The following KHDRBS2 variants were observed in gnomAD, a reference collection of about 807,000 sequenced individuals.
KHDRBS2 encodes KH RNA binding domain containing, signal transduction associated 2, also known as KH domain-containing, RNA-binding, signal transduction-associated protein 2.
Under a neutral mutation model 44.3 loss-of-function variants are expected in KHDRBS2, and 26 were observed. The observed-to-expected ratio is 0.59, with a 90% CI of 0.43 to 0.81. The LOEUF is 0.81. KHDRBS2 is among the 40% of genes least tolerant of loss of function. The pLI, the probability that KHDRBS2 is intolerant of heterozygous loss-of-function variation, is 0.00. For missense variants in KHDRBS2, 476 were observed against 433.1 expected (o/e 1.10, Z -0.88); for synonymous variants, 194 against 151.1 (o/e 1.28, Z -2.08).
intron 2 of KHDRBS2, among the ~76,000 whole-genome samples, chr6:62,061,311 C>A (rs1584434911): frequency 1.3e-5 from 2 of 151,558 alleles, no homozygotes; most frequent in East Asian, 2.0e-4. Flanking sequence ...GCGGCTGGTA[C>A]CGGTTGTTCC....
At chr6:61,687,548 T>C (rs1766953069) in intron 8 of KHDRBS2, among the ~76,000 whole-genome samples, 1 of 151,902 alleles carries the variant, frequency 6.6e-6, no homozygotes, top group Non-Finnish European at 1.5e-5. Context: ...TCCCAGAGTC[T>C]TACAGATGTT....
chr6:61,578,932 C>A, the KHDRBS2 span, among the ~76,000 whole-genome samples: 19 of 152,080 alleles, frequency 1.2e-4, no homozygotes, highest in African/African-American at 4.6e-4. Context: ...TGGTAATTTC[C>A]TCTCTTGGCC....
chr6:61,678,433 T>C (rs1766065166), downstream of KHDRBS2, among the ~76,000 whole-genome samples: 1 of 151,936 alleles, frequency 6.6e-6, no homozygotes, highest in Non-Finnish European at 1.5e-5. Flanking sequence ...GGGAAAATAA[T>C]GGTAATGTTT....
At chr6:62,208,837 G>A (rs1458488165) in intron 1 of KHDRBS2, among the ~76,000 whole-genome samples, 2 of 152,142 alleles carry the variant, frequency 1.3e-5, no homozygotes, top group Non-Finnish European at 2.9e-5. Flanking sequence ...GATTAGTGAC[G>A]TTGAGAACCG....
At chr6:61,923,465 T>C (rs1218164497) in intron 4 of KHDRBS2, among the ~76,000 whole-genome samples, 1 of 151,950 alleles carries the variant, frequency 6.6e-6, no homozygotes, top group Non-Finnish European at 1.5e-5. Context: ...ACTTTGTCTA[T>C]TAAAGATATG....
At chr6:62,283,517 G>C (rs1842079072) in intron 1 of KHDRBS2, among the ~76,000 whole-genome samples, 1 of 152,056 alleles carries the variant, frequency 6.6e-6, no homozygotes, top group Non-Finnish European at 1.5e-5. Flanking sequence ...ACTCACTCAG[G>C]CTTGACACTG....
chr6:61,676,662 A>G (rs1421485913), downstream of KHDRBS2, among the ~76,000 whole-genome samples: 1 of 151,804 alleles, frequency 6.6e-6, no homozygotes, highest in African/African-American at 2.4e-5. Context: ...GAAACATCCT[A>G]TAGATACTTC....
At chr6:61,942,469 G>C (rs931210757) in intron 4 of KHDRBS2, among the ~76,000 whole-genome samples, 5 of 151,990 alleles carry the variant, frequency 3.3e-5, no homozygotes, top group Non-Finnish European at 5.9e-5. Context: ...TAATACACTA[G>C]ATTAAGCAGA....
chr6:62,214,700 CAA>C (rs1829678288), intron 1 of KHDRBS2, among the ~76,000 whole-genome samples: 1 of 151,870 alleles, frequency 6.6e-6, no homozygotes, highest in South Asian at 2.1e-4. Context: ...TCTCTGTGCT[CAA>C]AAGAGGAAAC....
intron 2 of KHDRBS2, among the ~76,000 whole-genome samples, chr6:62,083,185 A>G (rs1797741791): frequency 6.6e-6 from 1 of 151,338 alleles, no homozygotes; most frequent in Non-Finnish European, 1.5e-5. Flanking sequence ...AGGGCAGAGC[A>G]TCACAGCAGA....
chr6:61,789,999 A>G lies in KHDRBS2; in HGVS notation c.811-57235T>C, dbSNP rs550545963. ...GTGAAATAATGTTTTATAAAGATGC[A>G]GTATAAATGATTATCTATTATTTAT... On this transcript the variant is annotated intron_variant, in intron 6 of 8. Transcript: ENST00000281156. 1.6e-3 allele frequency among the ~76,000 whole-genome samples: 247 copies of G among 151,612 alleles called. 2 individuals are homozygous for G. Among genetic ancestry groups the G allele is most frequent in the African/African-American group, 5.8e-3 (242 of 41,520 alleles).
intron 1 of KHDRBS2, among the ~76,000 whole-genome samples, chr6:62,279,352 T>C (rs1181488795): frequency 2.0e-5 from 3 of 152,224 alleles, no homozygotes; most frequent in Non-Finnish European, 4.4e-5. Flanking sequence ...AGTATTATCA[T>C]TGTAAGTGAC....
intron 2 of KHDRBS2, among the ~76,000 whole-genome samples, chr6:62,051,421 G>A (rs1204026042): frequency 6.6e-6 from 1 of 151,856 alleles, no homozygotes; most frequent in East Asian, 1.9e-4. Context: ...TTTGCATATA[G>A]AAATCCAGTG....
At chr6:61,979,746 T>G (rs1773456565) in intron 3 of KHDRBS2, among the ~76,000 whole-genome samples, 1 of 152,138 alleles carries the variant, frequency 6.6e-6, no homozygotes, top group South Asian at 2.1e-4. Flanking sequence ...AACACTACAC[T>G]GAATGAAAAT....
Position 62,093,892 on chromosome 6 carries a change from GTA to G in KHDRBS2, c.220-45900_220-45899del, listed in dbSNP as rs1491010512. Among the ~76,000 whole-genome samples, 317 of 126,378 alleles carry G rather than the reference GTA, an allele frequency of 2.5e-3. 1 individual carries two copies. The highest frequency in any genetic ancestry group is 0.016 in the South Asian group (69 of 4,228). 82.9% of individuals were successfully genotyped at this position (126,378 alleles called of 152,430 possible). ...TGTGTGTGTGTGTGTGTGTGTGTGT[GTA>G]TATCACATTTTCTTTATCAATTCAT... is the stretch of plus-strand genomic sequence containing the variant. On this transcript the variant is annotated intron_variant, in intron 2 of 8. Transcript: ENST00000281156.
In KHDRBS2 at chr6:61,955,512, ATATG is replaced by A. The variant is rs767420604; in HGVS notation, c.483+22550_483+22553del. ...TATGTATACATGTGTATATATACACATATGTATGTATGTATACATGTGTATATAT... is the reference window on the plus strand; with the variant it reads ...TATGTATACATGTGTATATATACACATATGTATGTATACATGTGTATATAT... On this transcript the variant is annotated intron_variant, in intron 4 of 8. Coordinates refer to ENST00000281156, the MANE Select transcript of KHDRBS2 (RefSeq NM_152688.4). Among the ~76,000 whole-genome samples, 15 of 41,444 alleles carry A rather than the reference ATATG, an allele frequency of 3.6e-4. 5 individuals carry two copies. Among genetic ancestry groups the A allele is most frequent in the South Asian group, 1.7e-3 (2 of 1,180 alleles). 27.2% of individuals were successfully genotyped at this position (41,444 alleles called of 152,430 possible).
chr6:61,840,243 T>C (rs756231721), intron 6 of KHDRBS2, among the ~76,000 whole-genome samples: 59 of 152,200 alleles, frequency 3.9e-4, no homozygotes, highest in Admixed American at 9.2e-4. Flanking sequence ...CTAGTAGCAA[T>C]GGATCTTTTT....
At chr6:61,601,207 G>T in the KHDRBS2 span, among the ~76,000 whole-genome samples, 5 of 151,776 alleles carry the variant, frequency 3.3e-5, no homozygotes, top group East Asian at 5.9e-4. Flanking sequence ...CCACTTTCCT[G>T]GGGGGCAAGC....
chr6:61,801,278 C>A (rs1399159003), intron 6 of KHDRBS2, among the ~76,000 whole-genome samples: 5 of 152,026 alleles, frequency 3.3e-5, no homozygotes, highest in South Asian at 4.1e-4. Flanking sequence ...ACATTGATTT[C>A]TATCCTTAAG....
Sources: allele counts gnomAD v4.1 joint callset (sites outside exome capture counted in the v4.1 genomes callset), GRCh38; gene constraint gnomAD v4.1.1; transcripts MANE v1.5; gene names NCBI Gene and HGNC (gene_info 2026-07-23, HGNC 2026-07-21).